ARHGEF4: variants seen among roughly 807,000 people sequenced by gnomAD.
The protein encoded by ARHGEF4 is Rho guanine nucleotide exchange factor 4.
In ARHGEF4, 119 loss-of-function variants were observed where a neutral mutation model predicts 162.0. The observed-to-expected ratio is 0.73, with a 90% CI of 0.63 to 0.86. The LOEUF is 0.86. ARHGEF4 is among the 40% of genes least tolerant of loss of function. The probability of loss-of-function intolerance (pLI) is 0.00; values close to 1 mark genes in which losing one functional copy is unlikely to be tolerated. For synonymous variants in ARHGEF4, 1,014 were observed against 979.9 expected (o/e 1.03, Z -0.65); for missense variants, 2,488 against 2,456.0 (o/e 1.01, Z -0.28).
intron 2 of ARHGEF4, among the ~76,000 whole-genome samples, chr2:130,919,875 CAA>C (rs199503484): frequency 5.8e-5 from 8 of 138,784 alleles, no homozygotes; most frequent in East Asian, 2.1e-4. Flanking sequence ...GACTCCCTCT[CAA>C]AAAAAAAAAA....
intron 4 of ARHGEF4, among the ~76,000 whole-genome samples, chr2:131,004,583 C>T (rs752096232): frequency 9.2e-5 from 14 of 152,084 alleles, no homozygotes; most frequent in Non-Finnish European, 2.1e-4. Flanking sequence ...TGGCAGAGTG[C>T]GGCCCTCCTT....
In ARHGEF4 at chr2:130,924,033, A is replaced by G. The variant is rs368680044; in HGVS notation, c.3552+6535A>G. The stretch of plus-strand genomic sequence containing the variant: ...GTAGCTGGGACTACAGGCACCCGCC[A>G]ACACACTCGGCTAATTTTTTTGTGC... On this transcript the variant is annotated intron_variant, in intron 2 of 13. Transcript: ENST00000409359. Among the ~76,000 whole-genome samples the G allele has an allele frequency of 1.9e-3, 286 of 151,564 alleles. 3 individuals are homozygous for G. The highest frequency in any genetic ancestry group is 6.6e-3 in the African/African-American group (273 of 41,276).
intron 1 of ARHGEF4, among the ~76,000 whole-genome samples, chr2:130,908,065 A>T (rs1329586048): frequency 6.6e-6 from 1 of 152,018 alleles, no homozygotes; most frequent in Admixed American, 6.6e-5. Context: ...TAGTTTTATG[A>T]TAAACTTCCT....
chr2:130,902,463 AGGTG>A lies in ARHGEF4; in HGVS notation c.40-11522_40-11519del, dbSNP rs1435404404. On this transcript the variant is annotated intron_variant, in intron 1 of 13. Coordinates refer to ENST00000409359, the MANE Select transcript of ARHGEF4 (RefSeq NM_001367493.1). ...ACAAAAATTAGTTGGGCATGGTGGC[AGGTG>A]CCTGTAATCCCAGCTACTCGGGAGG... is the stretch of plus-strand genomic sequence containing the variant. Among the ~76,000 whole-genome samples the A allele has an allele frequency of 2.3e-3, 349 of 152,210 alleles. 2 individuals are homozygous for A. Among genetic ancestry groups the A allele is most frequent in the African/African-American group, 8.1e-3 (336 of 41,552 alleles).
At chr2:130,843,932 G>T (rs554787946) in intron 1 of ARHGEF4, among the ~76,000 whole-genome samples, 75 of 152,318 alleles carry the variant, frequency 4.9e-4, no homozygotes, top group African/African-American at 1.7e-3. Context: ...GTGGAGCACA[G>T]CCCTGCTCTC....
chr2:130,964,854 C>T (rs1011228508), intron 4 of ARHGEF4, among the ~76,000 whole-genome samples: 1 of 152,130 alleles, frequency 6.6e-6, no homozygotes, highest in African/African-American at 2.4e-5. Flanking sequence ...GTAGTGCTCC[C>T]GAATCTACCT....
At chr2:130,932,849 T>G (rs1005702810) in intron 3 of ARHGEF4, among the ~76,000 whole-genome samples, 1 of 152,220 alleles carries the variant, frequency 6.6e-6, no homozygotes, top group Non-Finnish European at 1.5e-5. Context: ...CATGCGGATA[T>G]GTAGTTACCC....
chr2:131,021,950 A>G (rs1689162166), intron 4 of ARHGEF4, among the ~76,000 whole-genome samples: 1 of 152,188 alleles, frequency 6.6e-6, no homozygotes. Flanking sequence ...TTAGTGTATT[A>G]TATTGATTTG....
intron 4 of ARHGEF4, among the ~76,000 whole-genome samples, chr2:131,009,396 G>T (rs1688313838): frequency 6.6e-6 from 1 of 152,022 alleles, no homozygotes. Context: ...TGATCTCCTT[G>T]AATCTGTACA....
Position 130,916,200 on chromosome 2 carries a change from G to A in ARHGEF4, c.2254G>A (p.Glu752Lys). 6.5e-7 allele frequency: 1 copy of A among 1,547,438 alleles called. No homozygotes were observed. Among genetic ancestry groups the A allele is most frequent in the Non-Finnish European group, 8.7e-7 (1 of 1,146,466 alleles). ...CTCCGGGTCAGGGGAGCGTGGCCCG[G>A]AGGAGGCCCCCGAAGGCGGTGCTGC... ...RSSGSGERGP[E>K]EAPEGGAAAA... The change falls in exon 2 of 14, where the codon GAG (glutamate) becomes AAG (lysine). Residue 752 changes from glutamate to lysine, a missense_variant. Glu to Lys is a moderately conservative substitution (Grantham distance 56). Around this residue, in one of 6 missense-constraint regions of ARHGEF4, gnomAD observed 1,642 missense variants for 1,481.5 expected, o/e 1.11. Transcript: ENST00000409359.
chr2:130,838,164 C>A (rs1177471127), intron 1 of ARHGEF4, among the ~76,000 whole-genome samples: 1 of 152,220 alleles, frequency 6.6e-6, no homozygotes, highest in Non-Finnish European at 1.5e-5. Flanking sequence ...GAGCTCAGAC[C>A]CCCTTCAAAT....
chr2:131,035,317 C>A, intron 5 of ARHGEF4: 2 of 1,174,790 alleles, frequency 1.7e-6, no homozygotes, highest in Non-Finnish European at 2.1e-6. Flanking sequence ...GGCACTCCAG[C>A]CGTTGCCACC....
chr2:130,965,015 A>G (rs1361163104), intron 4 of ARHGEF4, among the ~76,000 whole-genome samples: 7 of 152,244 alleles, frequency 4.6e-5, no homozygotes, highest in Non-Finnish European at 1.0e-4. Context: ...TCTTGCAAAC[A>G]TTCTCAAATA....
intron 4 of ARHGEF4, among the ~76,000 whole-genome samples, chr2:130,991,641 C>G (rs1023853391): frequency 2.6e-5 from 4 of 152,256 alleles, no homozygotes; most frequent in Non-Finnish European, 5.9e-5. Flanking sequence ...AGCCCACCCG[C>G]GCTGCACTAG....
chr2:130,949,176 A>C (rs1260214854), intron 4 of ARHGEF4, among the ~76,000 whole-genome samples: 1 of 151,942 alleles, frequency 6.6e-6, no homozygotes, highest in Non-Finnish European at 1.5e-5. Context: ...TGATGCAGTG[A>C]TCATGTTTTT....
At chr2:131,033,102 C>G (rs1407531060) in intron 5 of ARHGEF4, among the ~76,000 whole-genome samples, 1 of 152,126 alleles carries the variant, frequency 6.6e-6, no homozygotes, top group Non-Finnish European at 1.5e-5. Flanking sequence ...ATCTGCCCGC[C>G]TTGGCTTCGC....
chr2:130,991,735 A>G lies in ARHGEF4; in HGVS notation c.3986-36210A>G, dbSNP rs1391609714. Among the ~76,000 whole-genome samples the G allele has an allele frequency of 2.0e-5, 3 of 152,280 alleles. No homozygotes were observed. The East Asian group carries it at 5.8e-4, about 29-fold the overall frequency. On this transcript the variant is annotated intron_variant, in intron 4 of 13. Coordinates refer to ENST00000409359, the MANE Select transcript of ARHGEF4 (RefSeq NM_001367493.1). Reference sequence around the variant, plus strand: ...CATGCCTGAGCCTTCCCCCGCCTCCATGGATTCCTGTGCAGCCCGAGCCTC... The same window carrying G: ...CATGCCTGAGCCTTCCCCCGCCTCCGTGGATTCCTGTGCAGCCCGAGCCTC...
intron 1 of ARHGEF4, among the ~76,000 whole-genome samples, chr2:130,870,118 G>A (rs1328700354): frequency 6.6e-6 from 1 of 152,186 alleles, no homozygotes; most frequent in African/African-American, 2.4e-5. Context: ...AACCCCTGCA[G>A]GGCCTCAGAG....
chr2:131,008,980 A>C (rs1206628082), intron 4 of ARHGEF4, among the ~76,000 whole-genome samples: 1 of 152,244 alleles, frequency 6.6e-6, no homozygotes, highest in East Asian at 1.9e-4. Context: ...CCCACAGTTT[A>C]ACACTTCTGG....
Sources: gnomAD v4.1 joint callset for allele counts (sites outside exome capture counted in the v4.1 genomes callset) on GRCh38, gnomAD v4.1.1 for gene constraint, gnomAD v4.1.1 regional missense constraint, MANE v1.5 for transcripts, NCBI Gene and HGNC (gene_info 2026-07-23, HGNC 2026-07-21) for gene names.